PAPPA: variants seen among roughly 807,000 people sequenced by gnomAD.
The protein encoded by PAPPA is pappalysin 1.
PAPPA carries 60 observed loss-of-function variants against 164.0 expected under a neutral mutation model. The ratio of observed to expected loss-of-function variants is 0.37; its 90% CI spans 0.30 to 0.45. The LOEUF (loss-of-function observed/expected upper bound fraction) is 0.45, where lower values mean the gene tolerates loss of function less well. Ranked by LOEUF, PAPPA falls within the 20% of genes least tolerant of loss-of-function variation. The probability of loss-of-function intolerance (pLI) is 1.00; values close to 1 mark genes in which losing one functional copy is unlikely to be tolerated. For synonymous variants in PAPPA, 875 were observed against 814.1 expected, an observed-to-expected ratio of 1.07 and a Z score of -1.27; for missense variants, 1,782 against 2,087.3, an observed-to-expected ratio of 0.85 and a Z score of 2.85.
intron 7 of PAPPA, among the ~76,000 whole-genome samples, chr9:116,263,755 T>C (rs559039243): frequency 6.6e-6 from 1 of 152,298 alleles, no homozygotes; most frequent in South Asian, 2.1e-4. Flanking sequence ...TTCTTGTCTC[T>C]GTGTTGATAT....
chr9:116,352,526 C>T (rs191725053), intron 15 of PAPPA, among the ~76,000 whole-genome samples, 180 bp from the exon 16 acceptor site: 206 of 152,266 alleles, frequency 1.4e-3, no homozygotes, highest in Non-Finnish European at 1.3e-3. Flanking sequence ...TTTAGATCTC[C>T]TCTTCTTTGT....
chr9:116,223,225 G>T (rs1049595779), intron 5 of PAPPA, among the ~76,000 whole-genome samples: 1 of 152,184 alleles, frequency 6.6e-6, no homozygotes, highest in Non-Finnish European at 1.5e-5. Context: ...ACACTTCAGA[G>T]GTTTCCAGCA....
intron 19 of PAPPA, among the ~76,000 whole-genome samples, chr9:116,371,495 G>A (rs1846573349): frequency 6.6e-6 from 1 of 152,168 alleles, no homozygotes; most frequent in Non-Finnish European, 1.5e-5. Context: ...ATTTTGGAAA[G>A]AAAGACTTGC....
chr9:116,353,693 A>G lies in PAPPA; in HGVS notation c.4247A>G (p.Asp1416Gly). The change falls in exon 17 of 22, where the codon GAC becomes GGC. Residue 1416 changes from aspartate (D) to glycine (G), a missense_variant. Around this residue, in one of 2 missense-constraint regions of PAPPA, gnomAD observed 1,324 missense variants for 1,656.9 expected, o/e 0.80. Coordinates refer to ENST00000328252, the MANE Select transcript of PAPPA (RefSeq NM_002581.5). ...QEGACVPVTC[D>G]PPPPKFHGLY... The stretch of plus-strand genomic sequence containing the variant: ...GGAGCTTGTGTTCCTGTGACCTGTG[A>G]CCCACCTCCACCAAAATTCCATGGG... The G allele has an allele frequency of 1.2e-6, 2 of 1,614,010 alleles. No homozygotes were observed. The highest frequency in any genetic ancestry group is 1.7e-6 in the Non-Finnish European group (2 of 1,179,928).
rs1843984054 is a variant in PAPPA at position 116,187,305 on chromosome 9, C to T, written c.567C>T (p.Arg189=). The T allele has an allele frequency of 6.2e-7, 1 of 1,614,168 alleles. No homozygotes were observed. Among genetic ancestry groups the T allele is most frequent in the Non-Finnish European group, 8.5e-7 (1 of 1,180,034 alleles). ...AAGTGACCACCATCAATGCCCACCG[C>T]AGCTACCTCCCAGGCCAGTGGGTAT... ...ARQVTTINAH[R]SYLPGQWVYL... is the part of the protein sequence containing the mutation. The change falls in exon 2 of 22, where the codon CGC becomes CGT. Residue 189 remains arginine (R), a synonymous_variant. Transcript: ENST00000328252. This position sits in a 1 kb window ranked among gnomAD's most constrained non-coding sequence, Gnocchi z 4.2.
intron 7 of PAPPA, among the ~76,000 whole-genome samples, chr9:116,261,529 C>A (rs1845000820): frequency 6.6e-6 from 1 of 152,170 alleles, no homozygotes; most frequent in South Asian, 2.1e-4. Context: ...AATCACATGA[C>A]TTGTCTACAG....
intron 10 of PAPPA, among the ~76,000 whole-genome samples, chr9:116,323,269 A>G (rs1845882397): frequency 6.6e-6 from 1 of 152,144 alleles, no homozygotes; most frequent in Non-Finnish European, 1.5e-5. Context: ...CTGAGTGGAC[A>G]AGAGTCTCTG....
intron 5 of PAPPA, among the ~76,000 whole-genome samples, chr9:116,226,309 G>A (rs1844506958): frequency 6.6e-6 from 1 of 152,124 alleles, no homozygotes; most frequent in African/African-American, 2.4e-5. Context: ...AGGAGGAACG[G>A]GGAGAAACAG....
In PAPPA at chr9:116,265,971, T is replaced by C. The variant is rs752572005; in HGVS notation, c.2847T>C (p.Asp949=). 6.2e-7 allele frequency: 1 copy of C among 1,610,390 alleles called. No individual in the cohort carries two copies. The highest frequency in any genetic ancestry group is 8.5e-7 in the Non-Finnish European group (1 of 1,177,172). ...TYIHGSGYCG[D]GIIQKDQGEQ... is the part of the protein sequence containing the mutation. The stretch of plus-strand genomic sequence containing the variant: ...TCCATGGAAGTGGGTACTGTGGCGA[T>C]GGCATTATACAAAAGTAAGTAGATC... Residue 949 remains aspartate, a synonymous_variant, in exon 8 of 22, where the codon GAT becomes GAC. Coordinates refer to ENST00000328252, the MANE Select transcript of PAPPA (RefSeq NM_002581.5).
chr9:116,320,739 GTGTGTA>G (rs1426986855), intron 10 of PAPPA, among the ~76,000 whole-genome samples: 2 of 152,108 alleles, frequency 1.3e-5, no homozygotes, highest in African/African-American at 2.4e-5. Context: ...AAGGAAGTGT[GTGTGTA>G]TGTGTATGTG....
chr9:116,212,496 A>C (rs1235649736), intron 4 of PAPPA, among the ~76,000 whole-genome samples: 1 of 152,164 alleles, frequency 6.6e-6, no homozygotes, highest in African/African-American at 2.4e-5. Flanking sequence ...CAGGGCTGTC[A>C]TAGCCCTTAC....
At chr9:116,176,164 C>T (rs1843832567) in intron 1 of PAPPA, among the ~76,000 whole-genome samples, 1 of 152,170 alleles carries the variant, frequency 6.6e-6, no homozygotes, top group Non-Finnish European at 1.5e-5. Flanking sequence ...AATAGGGAGA[C>T]ATTTCTACCT....
chr9:116,379,640 G>A (rs766227371), intron 20 of PAPPA, among the ~76,000 whole-genome samples: 1 of 151,992 alleles, frequency 6.6e-6, no homozygotes, highest in African/African-American at 2.4e-5. Flanking sequence ...GCACAAATAC[G>A]AGACATTTTG....
intron 1 of PAPPA, among the ~76,000 whole-genome samples, chr9:116,184,828 A>C (rs1044804111): frequency 6.6e-6 from 1 of 151,850 alleles, no homozygotes; most frequent in African/African-American, 2.4e-5. Flanking sequence ...TAAAATCCCT[A>C]CCCTTTCTCG....
At chr9:116,373,635 C>A (rs1048794911) in intron 19 of PAPPA, 2 of 152,052 alleles carry the variant, frequency 1.3e-5, no homozygotes, top group African/African-American at 4.8e-5. Flanking sequence ...CTTTTAGATG[C>A]TCTACCCACT....
chr9:116,193,673 C>T (rs1450519033), intron 2 of PAPPA, among the ~76,000 whole-genome samples: 29 of 152,118 alleles, frequency 1.9e-4, no homozygotes, highest in Admixed American at 1.9e-3. Context: ...ATGTTCTTAC[C>T]CATCATCCAC....
chr9:116,198,267 A>G (rs780000779), intron 2 of PAPPA, among the ~76,000 whole-genome samples: 1 of 152,228 alleles, frequency 6.6e-6, no homozygotes, highest in Non-Finnish European at 1.5e-5. Flanking sequence ...ACAGCATCAC[A>G]ATTCAATTGT....
intron 8 of PAPPA, among the ~76,000 whole-genome samples, chr9:116,267,981 A>T (rs981380430): frequency 6.6e-6 from 1 of 151,948 alleles, no homozygotes; most frequent in African/African-American, 2.4e-5. Context: ...TGGCTTTCTG[A>T]AGCAGGAACA....
rs758572612 is a variant in PAPPA, at chr9:116,347,006, T to C, written c.3781-20T>C. ...GAGCTCAGTCTGCCACTCCTCACTA[T>C]GCACGACTCTGCCTTTCAGACGGGA... On this transcript the variant is annotated intron_variant, in intron 14 of 21. Transcript: ENST00000328252. This position sits in a 1 kb window ranked among gnomAD's most constrained non-coding sequence, Gnocchi z 4.5. 1.0e-5 allele frequency: 16 copies of C among 1,602,052 alleles called. No homozygotes were observed. The highest frequency in any genetic ancestry group is 2.7e-5 in the African/African-American group (2 of 74,786).
Sources: gnomAD v4.1 joint callset for allele counts (sites outside exome capture counted in the v4.1 genomes callset) on GRCh38, gnomAD v4.1.1 for gene constraint, gnomAD v4.1.1 regional missense constraint, Gnocchi (gnomAD v3.1) non-coding constraint, MANE v1.5 for transcripts, NCBI Gene and HGNC (gene_info 2026-07-23, HGNC 2026-07-21) for gene names.